The following PAX5 variants were observed in gnomAD, a reference collection of about 807,000 sequenced individuals.
The protein encoded by PAX5 is paired box 5.
Under a neutral mutation model 43.7 loss-of-function variants are expected in PAX5, and 9 were observed. The ratio of observed to expected loss-of-function variants is 0.21; its 90% CI spans 0.12 to 0.36. The LOEUF is 0.36. Ranked by LOEUF, PAX5 falls within the 10% of genes least tolerant of loss-of-function variation. PAX5 has a pLI of 1.00. For missense variants in PAX5, 383 were observed against 532.7 expected, an observed-to-expected ratio of 0.72 and a Z score of 2.77; for synonymous variants, 228 against 214.3, an observed-to-expected ratio of 1.06 and a Z score of -0.56.
intron 1 of PAX5, among the ~76,000 whole-genome samples, chr9:37,022,825 A>G (rs1259377702): frequency 2.0e-5 from 3 of 152,160 alleles, no homozygotes; most frequent in Non-Finnish European, 4.4e-5. Flanking sequence ...TCACAATCTC[A>G]TCTATAGGTC....
At chr9:36,987,245 A>G (rs1050160817) in intron 5 of PAX5, among the ~76,000 whole-genome samples, 3 of 152,220 alleles carry the variant, frequency 2.0e-5, no homozygotes, top group Non-Finnish European at 4.4e-5. Context: ...TCCCACTGCC[A>G]AGAACTGTAC....
At chr9:36,870,102 G>T (rs1203355372) in intron 8 of PAX5, among the ~76,000 whole-genome samples, 1 of 42,134 alleles carries the variant, frequency 2.4e-5, no homozygotes, top group Non-Finnish European at 4.8e-5. Context: ...ATGGATGGAT[G>T]GATGGATGGA....
chr9:37,004,987 TC>T (rs1838266458), intron 4 of PAX5, among the ~76,000 whole-genome samples: 2 of 152,232 alleles, frequency 1.3e-5, no homozygotes, highest in South Asian at 4.1e-4. Context: ...TTTAAAAATT[TC>T]TGGGACAGAA....
At chr9:36,908,129 G>A (rs1011015084) in intron 7 of PAX5, among the ~76,000 whole-genome samples, 1 of 150,836 alleles carries the variant, frequency 6.6e-6, no homozygotes, top group African/African-American at 2.4e-5. Flanking sequence ...AGGCTGGGAG[G>A]ACAAGGGTAC....
intron 4 of PAX5, among the ~76,000 whole-genome samples, chr9:37,005,494 C>G (rs1275568440): frequency 6.6e-6 from 1 of 152,174 alleles, no homozygotes; most frequent in Non-Finnish European, 1.5e-5. Context: ...GCCCCTCCAC[C>G]CACAAATGAG....
intron 7 of PAX5, among the ~76,000 whole-genome samples, chr9:36,918,704 C>T (rs1259792110): frequency 6.6e-6 from 1 of 152,104 alleles, no homozygotes; most frequent in African/African-American, 2.4e-5. Flanking sequence ...ACAACATTCC[C>T]TTTAACAAAA....
chr9:36,920,783 C>A (rs984293882), intron 7 of PAX5, among the ~76,000 whole-genome samples: 1 of 147,272 alleles, frequency 6.8e-6, no homozygotes, highest in Non-Finnish European at 1.5e-5. Flanking sequence ...AGATGCTCAA[C>A]CTGTATAGTA....
intron 7 of PAX5, among the ~76,000 whole-genome samples, chr9:36,920,810 T>TA (rs1451847978): frequency 6.9e-6 from 1 of 144,260 alleles, no homozygotes; most frequent in Non-Finnish European, 1.5e-5. Flanking sequence ...TAGCTTTTTT[T>TA]TTTTTTTTTT....
chr9:36,961,938 G>A lies in PAX5; in HGVS notation c.780+4611C>T, dbSNP rs542380982. On this transcript the variant is annotated intron_variant, in intron 6 of 9. Transcript: ENST00000358127. Reference sequence around the variant, plus strand: ...AAACAGAATTGCTTTTTCAATAACCGTTTTGAAAAGGAAGTGTTTCATTGC... The same window carrying A: ...AAACAGAATTGCTTTTTCAATAACCATTTTGAAAAGGAAGTGTTTCATTGC... 5.3e-5 allele frequency among the ~76,000 whole-genome samples: 8 copies of A among 152,208 alleles called. No individual in the cohort carries two copies. The East Asian group carries it at 7.7e-4, about 15-fold the overall frequency.
intron 6 of PAX5, among the ~76,000 whole-genome samples, chr9:36,925,927 C>T (rs748645551): frequency 1.1e-4 from 16 of 152,164 alleles, no homozygotes; most frequent in Non-Finnish European, 2.1e-4. Context: ...CTGCTGGCCC[C>T]GCCAAGTGGT....
At chr9:36,957,505 T>G (rs1355993926) in intron 6 of PAX5, among the ~76,000 whole-genome samples, 1 of 152,100 alleles carries the variant, frequency 6.6e-6, no homozygotes, top group Non-Finnish European at 1.5e-5. Flanking sequence ...AGAAAGAAGA[T>G]TCAAAGCTCC....
intron 5 of PAX5, among the ~76,000 whole-genome samples, chr9:36,991,002 C>T (rs1836885290): frequency 6.6e-6 from 1 of 151,898 alleles, no homozygotes; most frequent in Admixed American, 6.6e-5. Context: ...CCCAGCTACT[C>T]CGAGGCTGAG....
intron 7 of PAX5, among the ~76,000 whole-genome samples, chr9:36,891,758 CA>C (rs897785639): frequency 1.3e-5 from 2 of 152,166 alleles, no homozygotes; most frequent in Non-Finnish European, 2.9e-5. Context: ...TTTCTTTTCC[CA>C]AAATTACCTA....
intron 8 of PAX5, among the ~76,000 whole-genome samples, chr9:36,866,526 G>C (rs1824902028): frequency 6.6e-6 from 1 of 152,192 alleles, no homozygotes; most frequent in African/African-American, 2.4e-5. Flanking sequence ...CTGCATTCAG[G>C]AAGAGCACAA....
chr9:37,027,314 G>T (rs1840492597), intron 1 of PAX5, among the ~76,000 whole-genome samples: 1 of 152,212 alleles, frequency 6.6e-6, no homozygotes, highest in Non-Finnish European at 1.5e-5. Flanking sequence ...TGCCTTCAAA[G>T]TTCCCGCGGC....
chr9:36,956,654 G>A (rs941411580), intron 6 of PAX5, among the ~76,000 whole-genome samples: 4 of 152,182 alleles, frequency 2.6e-5, no homozygotes, highest in Admixed American at 6.5e-5. Context: ...TGGTTCACAG[G>A]AAGACAAAGA....
chr9:36,906,893 C>A (rs900420196), intron 7 of PAX5, among the ~76,000 whole-genome samples: 1 of 129,742 alleles, frequency 7.7e-6, no homozygotes, highest in Non-Finnish European at 1.6e-5. Context: ...GAGGTGTGCA[C>A]ACATACATAC....
At chr9:37,003,167 A>C (rs912002680) in intron 4 of PAX5, among the ~76,000 whole-genome samples, 7 of 150,402 alleles carry the variant, frequency 4.7e-5, no homozygotes, top group South Asian at 2.1e-4. Flanking sequence ...AAAAAAAAAA[A>C]AAAAAAAAAA....
chr9:36,919,488 T>C (rs990911716), intron 7 of PAX5, among the ~76,000 whole-genome samples: 1 of 152,162 alleles, frequency 6.6e-6, no homozygotes, highest in Non-Finnish European at 1.5e-5. Flanking sequence ...TTCTGATGGA[T>C]CTGGGCAAAG....
Sources: gnomAD v4.1 joint callset for allele counts (sites outside exome capture counted in the v4.1 genomes callset) on GRCh38, gnomAD v4.1.1 for gene constraint, MANE v1.5 for transcripts, NCBI Gene and HGNC (gene_info 2026-07-23, HGNC 2026-07-21) for gene names.